Variants in ARL9 observed in about 807,000 individuals in gnomAD.
ARL9 encodes the protein ADP-ribosylation factor-like protein 9.
Under a neutral mutation model 27.0 loss-of-function variants are expected in ARL9, and 14 were observed. That is an observed-to-expected ratio of 0.52 (90% CI 0.34 to 0.81). ARL9 has a LOEUF of 0.81. Ranked by LOEUF, ARL9 falls within the 30% of genes least tolerant of loss-of-function variation. The pLI, the probability that ARL9 is intolerant of heterozygous loss-of-function variation, is 0.01. For synonymous variants in ARL9, 106 were observed against 108.7 expected, an observed-to-expected ratio of 0.98 and a Z score of 0.15; for missense variants, 294 against 290.0, an observed-to-expected ratio of 1.01 and a Z score of -0.10.
intron 2 of ARL9, among the ~76,000 whole-genome samples, chr4:56,514,062 T>A (rs1721711376): frequency 6.6e-6 from 1 of 152,134 alleles, no homozygotes; most frequent in African/African-American, 2.4e-5. Context: ...TCCCAGCTAC[T>A]CTGGAGGCTG....
intron 2 of ARL9, among the ~76,000 whole-genome samples, chr4:56,514,263 A>G (rs1034587240): frequency 2.0e-5 from 3 of 152,212 alleles, no homozygotes; most frequent in African/African-American, 7.2e-5. Context: ...ATAGCTGAAC[A>G]CTTATAGGTT....
intron 1 of ARL9, among the ~76,000 whole-genome samples, chr4:56,506,436 C>T (rs1476497028): frequency 6.6e-6 from 1 of 152,122 alleles, no homozygotes; most frequent in Non-Finnish European, 1.5e-5. Flanking sequence ...GGGAACGGCC[C>T]CTCTACTGCC....
intron 1 of ARL9, among the ~76,000 whole-genome samples, chr4:56,507,563 C>G (rs1332248287): frequency 6.6e-6 from 1 of 151,728 alleles, no homozygotes; most frequent in East Asian, 2.0e-4. Context: ...GATCCACCCG[C>G]GTTGGCCTCC....
chr4:56,523,375 C>G (rs771954414), intron 3 of ARL9, among the ~76,000 whole-genome samples: 6 of 152,172 alleles, frequency 3.9e-5, no homozygotes, highest in Non-Finnish European at 8.8e-5. Context: ...GGCGACAAAG[C>G]AAGATCCTGT....
chr4:56,514,657 C>G (rs561643640), intron 2 of ARL9, among the ~76,000 whole-genome samples: 1 of 152,170 alleles, frequency 6.6e-6, no homozygotes, highest in South Asian at 2.1e-4. Context: ...TAATTTAAAA[C>G]TTTTAAAGAA....
chr4:56,507,965 C>CAAAAA (rs202126461), intron 1 of ARL9, among the ~76,000 whole-genome samples: 1 of 122,994 alleles, frequency 8.1e-6, no homozygotes, highest in Non-Finnish European at 1.8e-5. Context: ...GATTCTGTAT[C>CAAAAA]AAAAAAAAAA....
intron 3 of ARL9, 112 bp from the exon 4 acceptor site, chr4:56,523,585 T>C: frequency 1.2e-6 from 1 of 811,084 alleles, no homozygotes; most frequent in Non-Finnish European, 1.9e-6. Context: ...ATAGCCTCTA[T>C]ATGAAAATGG....
At chr4:56,517,402 T>C (rs1721795068) in intron 2 of ARL9, among the ~76,000 whole-genome samples, 1 of 152,240 alleles carries the variant, frequency 6.6e-6, no homozygotes, top group Non-Finnish European at 1.5e-5. Flanking sequence ...AACTAATTTA[T>C]GCTTTGCAGG....
At chr4:56,522,055 G>C (rs1444707720) in intron 3 of ARL9, among the ~76,000 whole-genome samples, 1 of 147,634 alleles carries the variant, frequency 6.8e-6, no homozygotes, top group Non-Finnish European at 1.5e-5. Flanking sequence ...GTGTGATCTC[G>C]GCTCACTGCA....
At chr4:56,506,560 C>G in intron 1 of ARL9, 2 of 947,040 alleles carry the variant, frequency 2.1e-6, no homozygotes, top group South Asian at 9.7e-5. Context: ...CGTTCTTTGT[C>G]AGAAGGGGCA....
At chr4:56,520,520 T>G (rs1347574935) in intron 3 of ARL9, among the ~76,000 whole-genome samples, 2 of 151,600 alleles carry the variant, frequency 1.3e-5, no homozygotes, top group Non-Finnish European at 2.9e-5. Flanking sequence ...GAATGTGTAG[T>G]TATCGTTTAA....
At chr4:56,518,370 ATGCAG>A (rs993570760) in intron 2 of ARL9, among the ~76,000 whole-genome samples, 3 of 152,170 alleles carry the variant, frequency 2.0e-5, no homozygotes, top group African/African-American at 7.2e-5. Flanking sequence ...ACTGATAAAC[ATGCAG>A]TGGCTGACAT....
intron 2 of ARL9, among the ~76,000 whole-genome samples, chr4:56,518,054 C>T (rs1023848157): frequency 4.6e-5 from 7 of 151,406 alleles, no homozygotes; most frequent in Non-Finnish European, 8.8e-5. Flanking sequence ...AGTGTGGTGG[C>T]GCAAACACAG....
chr4:56,505,440 A>AC (rs1380357458), upstream of ARL9: 3 of 460,460 alleles, frequency 6.5e-6, no homozygotes, highest in South Asian at 4.6e-5. Context: ...GAAGCCGGAG[A>AC]CGTCAGACGC....
intron 3 of ARL9, among the ~76,000 whole-genome samples, chr4:56,521,314 A>G (rs1578215439): frequency 6.6e-6 from 1 of 152,286 alleles, no homozygotes; most frequent in East Asian, 1.9e-4. Flanking sequence ...ATCATGGTAC[A>G]TGTAAGTGAG....
At position 56,523,705 on chromosome 4, in the gene ARL9, A is replaced by AT. The variant is rs1316461472; in HGVS notation, c.627_628insT (p.Ala210CysfsTer10). 5.0e-6 allele frequency: 8 copies of AT among 1,611,290 alleles called. No homozygotes were observed. The African/African-American group carries it at 5.3e-5, about 11-fold the overall frequency. On this transcript the variant is annotated frameshift_variant, in exon 4 of 4. Coordinates refer to ENST00000640821, the MANE Select transcript of ARL9 (RefSeq NM_001363794.2). LOFTEE classifies it high-confidence loss of function. The stretch of plus-strand genomic sequence containing the variant: ...TTCCACTCCGGATGAAGGATCTTGA[A>AT]GCAGCCTATCACATTACAGATATCC...
chr4:56,508,065 G>A (rs1721518310), intron 1 of ARL9, among the ~76,000 whole-genome samples: 1 of 152,060 alleles, frequency 6.6e-6, no homozygotes, highest in Non-Finnish European at 1.5e-5. Flanking sequence ...AATGTGGGGG[G>A]AATATGTATC....
upstream of ARL9, chr4:56,505,612 C>T: frequency 3.3e-6 from 2 of 611,432 alleles, no homozygotes; most frequent in Non-Finnish European, 2.9e-6. Context: ...GGGCTCAATC[C>T]ATCCGTACGC....
rs1469675482 is a variant in ARL9 at position 56,506,044 on chromosome 4, GGAA to G, written c.184_186del (p.Lys62del). Reference sequence around the variant, plus strand: ...AAAGAGGAAAAGAGGACAAAGCAAGGGAAGGAGACAAACAAAGAGAAGGAACAA... The same window carrying G: ...AAAGAGGAAAAGAGGACAAAGCAAGGGGAGACAAACAAAGAGAAGGAACAA... On this transcript the variant is annotated inframe_deletion, in exon 1 of 4. Transcript: ENST00000640821. The G allele has an allele frequency of 8.1e-7, 1 of 1,230,428 alleles. No homozygotes were observed. Among genetic ancestry groups the G allele is most frequent in the Non-Finnish European group, 1.0e-6 (1 of 985,786 alleles). The allele number at this position is 1,230,428 out of a possible 1,614,324, so 76.2% of individuals were successfully genotyped here.
Sources: allele counts gnomAD v4.1 joint callset (sites outside exome capture counted in the v4.1 genomes callset), GRCh38; gene constraint gnomAD v4.1.1; transcripts MANE v1.5; gene names NCBI Gene and HGNC (gene_info 2026-07-23, HGNC 2026-07-21).